Variants in ATAD5 observed in about 807,000 individuals in gnomAD.
ATAD5 encodes the protein ATPase family AAA domain containing 5.
In ATAD5, 58 loss-of-function variants were observed where a neutral mutation model predicts 176.9. The ratio of observed to expected loss-of-function variants is 0.33; its 90% confidence interval spans 0.27 to 0.41. The LOEUF (loss-of-function observed/expected upper bound fraction) is 0.41, where lower values mean the gene tolerates loss of function less well. Among genes scored for constraint, ATAD5 ranks in the 10% least tolerant of loss-of-function variants. The pLI, the probability that ATAD5 is intolerant of heterozygous loss-of-function variation, is 1.00. For synonymous variants in ATAD5, 640 were observed against 712.6 expected (o/e 0.90, Z 1.62); for missense variants, 1,789 against 2,094.1 (o/e 0.85, Z 2.84).
At chr17:30,880,527 G>C (rs1908950101) in intron 18 of ATAD5, among the ~76,000 whole-genome samples, 1 of 151,110 alleles carries the variant, frequency 6.6e-6, no homozygotes, top group Admixed American at 6.6e-5. Context: ...AGAATCGCTT[G>C]AATTTGGGAG....
At chr17:30,833,975 C>T (rs971322309) in intron 1 of ATAD5, among the ~76,000 whole-genome samples, 173 bp from the exon 2 acceptor site, 12 of 152,170 alleles carry the variant, frequency 7.9e-5, no homozygotes, top group Admixed American at 1.3e-4. Context: ...AGCCACCGCA[C>T]CTGGCCTGGT....
intron 17 of ATAD5, among the ~76,000 whole-genome samples, chr17:30,878,734 T>TTG (rs1908830782): frequency 1.6e-5 from 2 of 128,782 alleles, no homozygotes; most frequent in African/African-American, 6.0e-5. Flanking sequence ...TTTTTTTTTT[T>TTG]TTTTTTTTTT....
intron 18 of ATAD5, among the ~76,000 whole-genome samples, chr17:30,883,124 ATT>A (rs869117449): frequency 7.3e-4 from 100 of 137,282 alleles, no homozygotes; most frequent in African/African-American, 1.9e-3. Context: ...TAAACACCAG[ATT>A]TTTTTTTTTT....
At chr17:30,876,790 C>T (rs562120623) in intron 15 of ATAD5, among the ~76,000 whole-genome samples, 2 of 139,754 alleles carry the variant, frequency 1.4e-5, no homozygotes, top group East Asian at 4.3e-4. Context: ...AATTTTGGCT[C>T]ACTGCAACCT....
At chr17:30,890,785 A>C (rs1251249814) in intron 19 of ATAD5, among the ~76,000 whole-genome samples, 1 of 152,104 alleles carries the variant, frequency 6.6e-6, no homozygotes, top group Non-Finnish European at 1.5e-5. Context: ...TTAAAAAAAA[A>C]ACAGATACAT....
At chr17:30,854,666 C>T (rs957278804) in intron 6 of ATAD5, among the ~76,000 whole-genome samples, 6 of 151,994 alleles carry the variant, frequency 3.9e-5, no homozygotes, top group Admixed American at 2.0e-4. Context: ...GCCACCATGC[C>T]CTGCCAATTT....
chr17:30,895,099 A>AT lies in ATAD5; in HGVS notation c.*194dup, dbSNP rs1335833828. ...GTTACAAATTTTATATATGATTGTA[A>AT]TTTTTTTTCTGAATTTTTTGTATTA... On this transcript the variant is annotated 3_prime_UTR_variant, in exon 23 of 23. Coordinates refer to ENST00000321990, the MANE Select transcript of ATAD5 (RefSeq NM_024857.5). 10 of 443,324 alleles carry AT rather than the reference A, an allele frequency of 2.3e-5. No homozygotes were observed. Among genetic ancestry groups the AT allele is most frequent in the Non-Finnish European group, 3.9e-5 (10 of 256,440 alleles). The allele number at this position is 443,324 out of a possible 1,614,324, so 27.5% of individuals were successfully genotyped here. A position where few individuals can be genotyped will look rare whatever the true frequency, so the allele number is the denominator to read the frequency against.
intron 8 of ATAD5, 27 bp downstream of exon 8, chr17:30,857,139 T>G: frequency 6.3e-7 from 1 of 1,589,136 alleles, no homozygotes. Context: ...TCATCCATTG[T>G]AGAGTGTTTC....
intron 4 of ATAD5, 83 bp downstream of exon 4, chr17:30,840,864 T>A: frequency 7.3e-7 from 1 of 1,370,820 alleles, no homozygotes; most frequent in Non-Finnish European, 9.9e-7. Flanking sequence ...TATAAAGTTA[T>A]AAGGTAGGTT....
intron 18 of ATAD5, among the ~76,000 whole-genome samples, chr17:30,885,288 C>T (rs1392586401): frequency 6.6e-6 from 1 of 152,066 alleles, no homozygotes; most frequent in East Asian, 1.9e-4. Context: ...TCAGGTGATC[C>T]CCCAACCTTG....
chr17:30,844,119 GTATT>G (rs376234876), intron 5 of ATAD5, 80 bp downstream of exon 5: 1,708 of 1,143,346 alleles, frequency 1.5e-3, no homozygotes, highest in Middle Eastern at 3.8e-3. Flanking sequence ...GTGTTCTGGG[GTATT>G]TATTTATTTA....
intron 6 of ATAD5, among the ~76,000 whole-genome samples, chr17:30,850,831 TTTTATATATATATA>T (rs1286969951): frequency 0.025 from 1,567 of 62,488 alleles, 94 homozygotes; most frequent in African/African-American, 0.074. Flanking sequence ...ATTTATATAT[TTTTATATATATATA>T]TATATATATA....
At chr17:30,876,287 A>G in intron 14 of ATAD5, 87 bp from the exon 15 acceptor site, 8 of 1,166,322 alleles carry the variant, frequency 6.9e-6, no homozygotes, top group Non-Finnish European at 8.2e-6. Flanking sequence ...AACTGTTAAG[A>G]GTAGAAATAC....
At chr17:30,883,105 A>G (rs973759227) in intron 18 of ATAD5, among the ~76,000 whole-genome samples, 6 of 151,402 alleles carry the variant, frequency 4.0e-5, no homozygotes, top group African/African-American at 1.5e-4. Context: ...TTTGTGCTAA[A>G]GTGTAATATA....
intron 11 of ATAD5, among the ~76,000 whole-genome samples, chr17:30,866,806 C>A (rs997155086): frequency 5.3e-5 from 8 of 152,100 alleles, no homozygotes; most frequent in Non-Finnish European, 1.0e-4. Context: ...CAGAGTAAGA[C>A]TCTGTCCCAA....
intron 14 of ATAD5, among the ~76,000 whole-genome samples, chr17:30,875,402 G>C (rs552478681): frequency 6.6e-6 from 1 of 152,202 alleles, no homozygotes; most frequent in East Asian, 1.9e-4. Flanking sequence ...GTTCTGTAAT[G>C]TGCTCAGTGT....
At chr17:30,866,795 A>G (rs1184656113) in intron 11 of ATAD5, among the ~76,000 whole-genome samples, 1 of 152,152 alleles carries the variant, frequency 6.6e-6, no homozygotes, top group Non-Finnish European at 1.5e-5. Context: ...AGCCTGGGCA[A>G]CAGAGTAAGA....
intron 14 of ATAD5, 68 bp from the exon 15 acceptor site, chr17:30,876,306 G>T: frequency 7.4e-7 from 1 of 1,360,318 alleles, no homozygotes; most frequent in African/African-American, 1.5e-5. Context: ...ACAGAATGTG[G>T]CTAACTGTCT....
At chr17:30,860,225 T>C (rs751635212) in intron 9 of ATAD5, among the ~76,000 whole-genome samples, 1 of 152,136 alleles carries the variant, frequency 6.6e-6, no homozygotes, top group Non-Finnish European at 1.5e-5. Context: ...AGTTTCCCCA[T>C]GTTACCGAGG....
Sources: gnomAD v4.1 joint callset for allele counts (sites outside exome capture counted in the v4.1 genomes callset) on GRCh38, gnomAD v4.1.1 for gene constraint, MANE v1.5 for transcripts, NCBI Gene and HGNC (gene_info 2026-07-23, HGNC 2026-07-21) for gene names.